Variants in SENP7 observed in about 807,000 individuals in gnomAD.
SENP7 encodes the protein sentrin-specific protease 7.
In SENP7, 64 loss-of-function variants were observed where a neutral mutation model predicts 141.2. The observed-to-expected ratio is 0.45, with a 90% CI of 0.37 to 0.56. The LOEUF is 0.56. Ranked by LOEUF, SENP7 falls within the 20% of genes least tolerant of loss-of-function variation. The pLI, the probability that SENP7 is intolerant of heterozygous loss-of-function variation, is 0.00. For missense variants in SENP7, 1,025 were observed against 1,212.2 expected, an observed-to-expected ratio of 0.85 and a Z score of 2.29; for synonymous variants, 382 against 426.4, an observed-to-expected ratio of 0.90 and a Z score of 1.28.
chr3:101,336,042 C>A (rs555050778), intron 17 of SENP7, among the ~76,000 whole-genome samples: 49 of 152,300 alleles, frequency 3.2e-4, no homozygotes, highest in African/African-American at 1.1e-3. Context: ...TCCTATTATT[C>A]TCACAAGCAT....
chr3:101,365,464 T>A (rs111687922), intron 9 of SENP7, among the ~76,000 whole-genome samples: 6 of 151,268 alleles, frequency 4.0e-5, no homozygotes, highest in African/African-American at 1.5e-4. Flanking sequence ...GGTGAAACCC[T>A]GTCTCTAGCA....
intron 4 of SENP7, among the ~76,000 whole-genome samples, chr3:101,443,961 A>G (rs1362613598): frequency 6.6e-6 from 1 of 150,552 alleles, no homozygotes; most frequent in African/African-American, 2.4e-5. Flanking sequence ...GGCAACCTAC[A>G]AAATGGGAGA....
At chr3:101,420,594 T>G (rs1469023033) in intron 4 of SENP7, among the ~76,000 whole-genome samples, 2 of 152,188 alleles carry the variant, frequency 1.3e-5, no homozygotes, top group Non-Finnish European at 2.9e-5. Context: ...AGAAAAGGTG[T>G]CTTTACAATG....
chr3:101,396,099 G>A (rs1353275267), intron 6 of SENP7, among the ~76,000 whole-genome samples: 1 of 152,138 alleles, frequency 6.6e-6, no homozygotes, highest in African/African-American at 2.4e-5. Context: ...TGGCTCCAAA[G>A]TTCATGCTTA....
At chr3:101,461,604 ACAGTATTG>A (rs1159500779) in intron 3 of SENP7, among the ~76,000 whole-genome samples, 1 of 152,094 alleles carries the variant, frequency 6.6e-6, no homozygotes, top group East Asian at 1.9e-4. Context: ...AAAAAAAAAA[ACAGTATTG>A]CAGTTCCTCG....
Position 101,357,155 on chromosome 3 carries a change from C to T in SENP7, c.1623+4560G>A, listed in dbSNP as rs1241884670. 1.7e-5 allele frequency: 3 copies of T among 181,700 alleles called. No individual in the cohort carries two copies. In the East Asian group the frequency reaches 5.0e-4, roughly 30 times the overall value. The allele number at this position is 181,700 out of a possible 1,614,324, so 11.3% of individuals were successfully genotyped here. On this transcript the variant is annotated intron_variant, in intron 11 of 23. Transcript: ENST00000394095. ...AGGTGGGACAACAGGCATGCCCCAC[C>T]ATGCCCAGTCAATTTTTGCATTCTC...
intron 3 of SENP7, among the ~76,000 whole-genome samples, chr3:101,482,245 G>A (rs144025859): frequency 1.2e-3 from 177 of 151,760 alleles, no homozygotes; most frequent in Middle Eastern, 3.4e-3. Context: ...TCCAGGAGAC[G>A]GAGCTTGCAG....
At chr3:101,357,935 A>T in intron 11 of SENP7, 1 of 653,292 alleles carries the variant, frequency 1.5e-6, no homozygotes, top group Non-Finnish European at 2.5e-6. Flanking sequence ...CTACAGATGT[A>T]GAGAACGTGG....
At chr3:101,348,515 A>G (rs926726081) in intron 12 of SENP7, among the ~76,000 whole-genome samples, 26 of 152,166 alleles carry the variant, frequency 1.7e-4, no homozygotes, top group Non-Finnish European at 1.5e-4. Flanking sequence ...ATATTGGTCA[A>G]TACTATATAA....
chr3:101,360,532 C>A (rs978850244), intron 11 of SENP7, among the ~76,000 whole-genome samples: 3 of 152,172 alleles, frequency 2.0e-5, no homozygotes, highest in African/African-American at 7.2e-5. Context: ...TCTGCCTTAT[C>A]CCTAACACAG....
At chr3:101,344,097 T>C in intron 13 of SENP7, 143 bp from the exon 14 acceptor site, 1 of 646,668 alleles carries the variant, frequency 1.5e-6, no homozygotes, top group East Asian at 2.9e-5. Flanking sequence ...GGCAAATTAA[T>C]ATCCCAAAAG....
chr3:101,436,535 T>A (rs1446656417), intron 4 of SENP7, among the ~76,000 whole-genome samples: 1 of 151,924 alleles, frequency 6.6e-6, no homozygotes, highest in Non-Finnish European at 1.5e-5. Context: ...TGACAAGGGA[T>A]CAATAACCAG....
At chr3:101,471,990 A>C (rs2064017698) in intron 3 of SENP7, among the ~76,000 whole-genome samples, 1 of 152,250 alleles carries the variant, frequency 6.6e-6, no homozygotes, top group East Asian at 1.9e-4. Context: ...ATCATTAAAA[A>C]GTCAGCAAAC....
rs144854005 is a variant in SENP7 at position 101,435,925 on chromosome 3, C to A, written c.285-18135G>T. 9.7e-3 allele frequency among the ~76,000 whole-genome samples: 1,475 copies of A among 152,024 alleles called. 27 individuals are homozygous for A. The highest frequency in any genetic ancestry group is 0.034 in the African/African-American group (1,414 of 41,468). On this transcript the variant is annotated intron_variant, in intron 4 of 23. Transcript: ENST00000394095. ...CTTCACAGAAATAGAAAAACTAATCCTAAAATTTATATGGAACCACAAAAG... is the reference window on the plus strand; with the variant it reads ...CTTCACAGAAATAGAAAAACTAATCATAAAATTTATATGGAACCACAAAAG...
In SENP7 at chr3:101,442,474, G is replaced by A. The variant is rs532939602; in HGVS notation, c.284+16481C>T. On this transcript the variant is annotated intron_variant, in intron 4 of 23. Coordinates refer to ENST00000394095, the MANE Select transcript of SENP7 (RefSeq NM_020654.5). ...ATCTAATGCTCCCACATATCTGACA[G>A]GAGGCAGAGCTAAGGCAGTAATATT... Among the ~76,000 whole-genome samples the A allele has an allele frequency of 2.2e-4, 34 of 152,276 alleles. No individual in the cohort carries two copies. In the South Asian group the frequency reaches 4.8e-3, roughly 21 times the overall value.
rs2065256260 is a variant in SENP7, at chr3:101,498,751, CG to C, written c.90+2318del. On this transcript the variant is annotated intron_variant, in intron 2 of 23. Transcript: ENST00000394095. ...ACAACACAGCAGGAGGCGAGCAGCA[CG>C]GGAGAATTAGGGCCTGCACTACCCC... 2.0e-5 allele frequency among the ~76,000 whole-genome samples: 3 copies of C among 152,266 alleles called. No individual in the cohort carries two copies. In the South Asian group the frequency reaches 6.2e-4, roughly 32 times the overall value.
At chr3:101,457,580 C>T in intron 4 of SENP7, 2 of 1,593,902 alleles carry the variant, frequency 1.3e-6, no homozygotes, top group South Asian at 1.1e-5. Context: ...TTACCCCTAA[C>T]TTCTTTAAGG....
In SENP7 at chr3:101,367,980, A is replaced by G. The variant is rs1291556922; in HGVS notation, c.828T>C (p.His276=). The G allele has an allele frequency of 1.9e-6, 3 of 1,612,696 alleles. No homozygotes were observed. Among genetic ancestry groups the G allele is most frequent in the Non-Finnish European group, 2.5e-6 (3 of 1,179,414 alleles). The change falls in exon 8 of 24, where the codon CAT becomes CAC. Residue 276 remains histidine (H), a synonymous_variant. Transcript: ENST00000394095. The part of the protein sequence containing the change: ...DLNSGSRGCD[H]LEQESRNKDV... ...CCTTGTTTCTGCTTTCCTGTTCGAGATGATCACAACCTCTACTTCCACTGT... is the reference window on the plus strand; with the variant it reads ...CCTTGTTTCTGCTTTCCTGTTCGAGGTGATCACAACCTCTACTTCCACTGT...
At chr3:101,334,319 A>C (rs1345685320) in intron 17 of SENP7, among the ~76,000 whole-genome samples, 1 of 152,210 alleles carries the variant, frequency 6.6e-6, no homozygotes, top group African/African-American at 2.4e-5. Flanking sequence ...CTGTCAAAAG[A>C]AAGGTTTTAG....
Sources: allele counts gnomAD v4.1 joint callset (sites outside exome capture counted in the v4.1 genomes callset), GRCh38; gene constraint gnomAD v4.1.1; transcripts MANE v1.5; gene names NCBI Gene and HGNC (gene_info 2026-07-23, HGNC 2026-07-21).